Variants in FCN2 observed in about 807,000 individuals in gnomAD.
FCN2 encodes ficolin 2, also known as ficolin-2.
A neutral mutation model predicts 32.5 loss-of-function variants in FCN2; 31 were observed. The ratio of observed to expected loss-of-function variants is 0.96; its 90% CI spans 0.72 to 1.29. FCN2 has a LOEUF of 1.29. FCN2 is among the 50% of genes most tolerant of loss of function. The pLI, the probability that FCN2 is intolerant of heterozygous loss-of-function variation, is 0.00. For synonymous variants in FCN2, 181 were observed against 164.5 expected, an observed-to-expected ratio of 1.10 and a Z score of -0.77; for missense variants, 412 against 406.5, an observed-to-expected ratio of 1.01 and a Z score of -0.12.
chr9:134,874,750 G>A, the FCN2 span, among the ~76,000 whole-genome samples: 1 of 152,170 alleles, frequency 6.6e-6, no homozygotes, highest in Non-Finnish European at 1.5e-5. Context: ...AAAAGCTGCT[G>A]GGATTTTTGT....
At chr9:134,879,032 C>A (rs181429599), upstream of FCN2, among the ~76,000 whole-genome samples, 6 of 152,350 alleles carry the variant, frequency 3.9e-5, no homozygotes, top group Admixed American at 3.9e-4. Context: ...AATAGAACCA[C>A]ATTTATCCTT....
At chr9:134,868,854 G>A in the FCN2 span, among the ~76,000 whole-genome samples, 1 of 152,214 alleles carries the variant, frequency 6.6e-6, no homozygotes, top group Non-Finnish European at 1.5e-5. The surrounding 1 kb of genome is among the most constrained non-coding windows in gnomAD (Gnocchi z 4.3). Flanking sequence ...ATGCCCTAGG[G>A]CTGAGGGAGT....
chr9:134,881,921 G>T (rs1276138907), intron 1 of FCN2, among the ~76,000 whole-genome samples: 1 of 152,198 alleles, frequency 6.6e-6, no homozygotes, highest in Non-Finnish European at 1.5e-5. Flanking sequence ...CTGCATTCCA[G>T]CTCTAGTTTC....
the FCN2 span, among the ~76,000 whole-genome samples, chr9:134,870,927 G>C: frequency 6.6e-6 from 1 of 152,118 alleles, no homozygotes; most frequent in African/African-American, 2.4e-5. This position sits in a 1 kb window ranked among gnomAD's most constrained non-coding sequence, Gnocchi z 4.3. Flanking sequence ...CACTGGGCTC[G>C]GCGGTGCCCT....
the FCN2 span, among the ~76,000 whole-genome samples, chr9:134,872,800 G>T: frequency 6.6e-6 from 1 of 152,104 alleles, no homozygotes; most frequent in Non-Finnish European, 1.5e-5. Context: ...TGTGAGATTT[G>T]GGTGGGGACA....
intron 4 of FCN2, 136 bp from the exon 5 acceptor site, chr9:134,885,103 C>T (rs947537218): frequency 3.9e-6 from 5 of 1,292,756 alleles, no homozygotes; most frequent in South Asian, 1.3e-5. Flanking sequence ...GGCCGTGTCC[C>T]TGTCCAGGCC....
the FCN2 span, among the ~76,000 whole-genome samples, chr9:134,865,268 C>A: frequency 6.6e-6 from 1 of 152,236 alleles, no homozygotes; most frequent in Admixed American, 6.5e-5. Flanking sequence ...AGCAGCTCCA[C>A]CTTCTGGGGG....
In FCN2 at chr9:134,883,170, G is replaced by A. The variant is rs12340835; in HGVS notation, c.215-132G>A. 5,865 of 820,232 alleles carry A rather than the reference G, an allele frequency of 7.2e-3. 204 individuals carry two copies. In the African/African-American group the frequency reaches 0.084, roughly 12 times the overall value. 50.8% of individuals were successfully genotyped at this position (820,232 alleles called of 1,614,324 possible). Reference sequence around the variant, plus strand: ...TGGTGCAGGATGGGCAAGCCTGGGCGGGGCCACAGTCACGTCGTAGCACGA... The same window carrying A: ...TGGTGCAGGATGGGCAAGCCTGGGCAGGGCCACAGTCACGTCGTAGCACGA... On this transcript the variant is annotated intron_variant, in intron 2 of 7. Transcript: ENST00000291744.
At chr9:134,870,399 C>T in the FCN2 span, among the ~76,000 whole-genome samples, 3 of 152,080 alleles carry the variant, frequency 2.0e-5, no homozygotes, top group Non-Finnish European at 4.4e-5. The surrounding 1 kb of genome is among the most constrained non-coding windows in gnomAD (Gnocchi z 4.3). Flanking sequence ...CCAGAAGTTC[C>T]CAGCCCCAGC....
upstream of FCN2, among the ~76,000 whole-genome samples, chr9:134,877,891 A>C (rs1830617159): frequency 6.6e-6 from 1 of 152,182 alleles, no homozygotes; most frequent in African/African-American, 2.4e-5. Flanking sequence ...CTAAGTATTG[A>C]TCCTGGGTGT....
upstream of FCN2, among the ~76,000 whole-genome samples, chr9:134,877,558 T>C (rs1830614378): frequency 6.6e-6 from 1 of 152,240 alleles, no homozygotes; most frequent in East Asian, 1.9e-4. Flanking sequence ...CGTTAGAATT[T>C]GTAGTAAATC....
chr9:134,883,323 C>T lies in FCN2; in HGVS notation c.236C>T (p.Pro79Leu), dbSNP rs776420714. The T allele has an allele frequency of 6.2e-7, 1 of 1,613,720 alleles. No individual in the cohort carries two copies. The highest frequency in any genetic ancestry group is 1.7e-5 in the Admixed American group (1 of 60,024). Residue 79 changes from proline to leucine, a missense_variant, in exon 3 of 8, where the codon CCT becomes CTT. Pro to Leu is a moderately conservative substitution (Grantham distance 98). Coordinates refer to ENST00000291744, the MANE Select transcript of FCN2 (RefSeq NM_004108.3). ...GCAGGAGAACGTGGCCCCCCTGGAC[C>T]TCCTGGGAAGGCAGGACCACCTGGG... The part of the protein sequence containing the change: ...GKRGERGPPG[P>L]PGKAGPPGPN...
At chr9:134,886,704 A>T (rs1032951621) in intron 7 of FCN2, 140 bp downstream of exon 7, 2 of 944,258 alleles carry the variant, frequency 2.1e-6, no homozygotes, top group Middle Eastern at 4.4e-4. Context: ...ACATGCAGAC[A>T]CTAACATCTG....
intron 1 of FCN2, among the ~76,000 whole-genome samples, chr9:134,881,962 G>A (rs1461176996): frequency 6.6e-6 from 1 of 152,176 alleles, no homozygotes; most frequent in African/African-American, 2.4e-5. Context: ...CTTGAAGGAC[G>A]CCTCCCTCTG....
chr9:134,874,573 T>C, the FCN2 span, among the ~76,000 whole-genome samples: 1 of 152,388 alleles, frequency 6.6e-6, no homozygotes, highest in East Asian at 1.9e-4. Flanking sequence ...GTTCTATTTG[T>C]CTGCTTTTAC....
chr9:134,872,052 C>T, the FCN2 span, among the ~76,000 whole-genome samples: 1 of 152,112 alleles, frequency 6.6e-6, no homozygotes, highest in Admixed American at 6.6e-5. Flanking sequence ...CCACTCTCTG[C>T]TGCCTGTCTT....
chr9:134,887,099 G>C, intron 7 of FCN2, 69 bp from the exon 8 acceptor site: 2 of 1,590,016 alleles, frequency 1.3e-6, no homozygotes, highest in Non-Finnish European at 1.7e-6. Context: ...CAGGCCTCAG[G>C]TATAAAGACT....
the FCN2 span, among the ~76,000 whole-genome samples, chr9:134,869,044 A>T: frequency 2.0e-5 from 3 of 152,258 alleles, no homozygotes; most frequent in South Asian, 2.1e-4. Flanking sequence ...GCAACTCCTA[A>T]ATTGTGTATT....
At chr9:134,886,339 A>C in intron 6 of FCN2, 91 bp from the exon 7 acceptor site, 1 of 1,489,778 alleles carries the variant, frequency 6.7e-7, no homozygotes, top group Non-Finnish European at 9.3e-7. Flanking sequence ...TGGAGTCCAG[A>C]CCTCCTTCCA....
Sources: gnomAD v4.1 joint callset for allele counts (sites outside exome capture counted in the v4.1 genomes callset) on GRCh38, gnomAD v4.1.1 for gene constraint, Gnocchi (gnomAD v3.1) non-coding constraint, MANE v1.5 for transcripts, NCBI Gene and HGNC (gene_info 2026-07-23, HGNC 2026-07-21) for gene names.